Variants in TFDP1 observed in about 807,000 individuals in gnomAD.
TFDP1 encodes the protein DRTF1-polypeptide 1.
TFDP1 carries 6 observed loss-of-function variants against 48.0 expected under a neutral mutation model. The observed-to-expected ratio is 0.13, with a 90% CI of 0.07 to 0.25. The LOEUF is 0.25. Among genes scored for constraint, TFDP1 ranks in the 10% least tolerant of loss-of-function variants. The pLI is 1.00. For missense variants in TFDP1, 335 were observed against 543.0 expected (o/e 0.62, Z 3.81); for synonymous variants, 201 against 211.6 (o/e 0.95, Z 0.44).
Position 113,633,305 on chromosome 13 carries a change from C to T in TFDP1, c.474+20C>T, listed in dbSNP as rs766480649. ...GAGTCAGTAAGTGTGTGCCGGGGGC[C>T]GAGAGGCTGGGGTGGCGGAGCCCAG... On this transcript the variant is annotated intron_variant, in intron 6 of 11. Coordinates refer to ENST00000375370, the MANE Select transcript of TFDP1 (RefSeq NM_007111.5). This position sits in a 1 kb window ranked among gnomAD's most constrained non-coding sequence, Gnocchi z 4.5. 2.0e-5 allele frequency: 32 copies of T among 1,606,608 alleles called. No individual in the cohort carries two copies. Among genetic ancestry groups the T allele is most frequent in the Middle Eastern group, 3.4e-4 (2 of 5,834 alleles).
At position 113,598,546 on chromosome 13, in the gene TFDP1, G is replaced by A. The variant is rs931391557; in HGVS notation, c.13-12450G>A. Among the ~76,000 whole-genome samples the A allele has an allele frequency of 6.6e-6, 1 of 152,138 alleles. No homozygotes were observed. Among genetic ancestry groups the A allele is most frequent in the Non-Finnish European group, 1.5e-5 (1 of 68,032 alleles). ...AAGGTTCTGGTGCCCCCGAAGCACA[G>A]CCCCACCTCCCTAACCTGCCCTCCT... On this transcript the variant is annotated intron_variant, in intron 2 of 11. Transcript: ENST00000375370. The surrounding 1 kb of genome is among the most constrained non-coding windows in gnomAD (Gnocchi z 4.2).
chr13:113,638,163 C>T (rs1238791046), intron 11 of TFDP1, among the ~76,000 whole-genome samples: 3 of 152,222 alleles, frequency 2.0e-5, no homozygotes, highest in East Asian at 1.9e-4. Context: ...GAATGAAAAC[C>T]ACCCAAATCC....
chr13:113,639,689 C>CCGCTGCCAGATTCGACCCA (rs1417520868), intron 11 of TFDP1, among the ~76,000 whole-genome samples: 2 of 152,204 alleles, frequency 1.3e-5, no homozygotes, highest in Admixed American at 1.3e-4. Context: ...TTCTCAGTCC[C>CCGCTGCCAGATTCGACCCA]CGCTGCCAGA....
At chr13:113,638,116 G>GT (rs901056574) in intron 11 of TFDP1, among the ~76,000 whole-genome samples, 64 of 151,678 alleles carry the variant, frequency 4.2e-4, no homozygotes, top group African/African-American at 1.3e-3. Flanking sequence ...ATACATGGTG[G>GT]TTTTTTTTTC....
chr13:113,628,847 C>T (rs555753698), intron 4 of TFDP1, among the ~76,000 whole-genome samples: 32 of 152,236 alleles, frequency 2.1e-4, no homozygotes, highest in African/African-American at 5.3e-4. Context: ...TGCCGTGCCT[C>T]CTCTGGCTGT....
intron 2 of TFDP1, among the ~76,000 whole-genome samples, chr13:113,597,142 C>G (rs1002237413): frequency 1.4e-4 from 22 of 152,158 alleles, no homozygotes; most frequent in African/African-American, 5.3e-4. Flanking sequence ...GTGCCGGTGG[C>G]TCACTCTGTC....
chr13:113,632,074 G>A lies in TFDP1; in HGVS notation c.308+330G>A, dbSNP rs554561220. 4.6e-5 allele frequency among the ~76,000 whole-genome samples: 7 copies of A among 152,330 alleles called. No homozygotes were observed. In the East Asian group the frequency reaches 9.6e-4, roughly 21 times the overall value. ...CACAGGACCTCGGAGACTTTCCCTC[G>A]TCTGTGCTGGGAGCATGTGGGATGG... On this transcript the variant is annotated intron_variant, in intron 5 of 11. Coordinates refer to ENST00000375370, the MANE Select transcript of TFDP1 (RefSeq NM_007111.5).
chr13:113,635,957 GCTC>G lies in TFDP1; in HGVS notation c.688-16_688-14del, dbSNP rs748793825. The G allele has an allele frequency of 1.2e-6, 2 of 1,610,786 alleles. No individual in the cohort carries two copies. Among genetic ancestry groups the G allele is most frequent in the South Asian group, 2.2e-5 (2 of 90,856 alleles). On this transcript the variant is annotated splice_polypyrimidine_tract_variant and intron_variant, in intron 8 of 11. Transcript: ENST00000375370. ...TTCTTGTGCCGCCACGGGCCACCTG[GCTC>G]CTCTTATTTTTTTTAGCAAATTGCC...
intron 2 of TFDP1, among the ~76,000 whole-genome samples, chr13:113,595,654 G>A (rs2048267796): frequency 6.6e-6 from 1 of 152,240 alleles, no homozygotes; most frequent in South Asian, 2.1e-4. Flanking sequence ...ATGAATTCCT[G>A]GAGGTGAAAT....
Position 113,623,753 on chromosome 13 carries a change from G to T in TFDP1, c.186+467G>T, listed in dbSNP as rs1566664617. Reference sequence around the variant, plus strand: ...GCCCCGGGGCAGTGACAGGGCAGATGCTGCTCCCTTGGCCACGCACAGGAG... The same window carrying T: ...GCCCCGGGGCAGTGACAGGGCAGATTCTGCTCCCTTGGCCACGCACAGGAG... On this transcript the variant is annotated intron_variant, in intron 4 of 11. Transcript: ENST00000375370. This position sits in a 1 kb window ranked among gnomAD's most constrained non-coding sequence, Gnocchi z 5.2. Among the ~76,000 whole-genome samples, 1 of 152,232 alleles carries T rather than the reference G, an allele frequency of 6.6e-6. No individual in the cohort carries two copies. Among genetic ancestry groups the T allele is most frequent in the Admixed American group, 6.5e-5 (1 of 15,290 alleles).
intron 10 of TFDP1, chr13:113,637,333 TTC>T: frequency 3.4e-6 from 1 of 293,464 alleles, no homozygotes; most frequent in Non-Finnish European, 6.6e-6. Context: ...GGGTCAGAGA[TTC>T]CTCCCTGAGC....
At chr13:113,608,450 C>T (rs932182284) in intron 2 of TFDP1, among the ~76,000 whole-genome samples, 1 of 152,198 alleles carries the variant, frequency 6.6e-6, no homozygotes, top group Non-Finnish European at 1.5e-5. Context: ...GGCAGTCATC[C>T]TCCACAGCTG....
Position 113,634,472 on chromosome 13 carries a change from T to C in TFDP1, c.619-62T>C. 2.7e-6 allele frequency: 4 copies of C among 1,471,650 alleles called. No homozygotes were observed. The South Asian group carries it at 4.8e-5, about 18-fold the overall frequency. The allele number at this position is 1,471,650 out of a possible 1,614,324, so 91.2% of individuals were successfully genotyped here. A position where few individuals can be genotyped will look rare whatever the true frequency, so the allele number is the denominator to read the frequency against. ...ACTGTGAGGATGTGAGGATGTGGGTTTTAAAAAACGCTCTGTGGAACAGTT... is the reference window on the plus strand; with the variant it reads ...ACTGTGAGGATGTGAGGATGTGGGTCTTAAAAAACGCTCTGTGGAACAGTT... On this transcript the variant is annotated intron_variant, in intron 7 of 11. Transcript: ENST00000375370.
At chr13:113,596,721 C>G (rs574256575) in intron 2 of TFDP1, among the ~76,000 whole-genome samples, 2 of 152,284 alleles carry the variant, frequency 1.3e-5, no homozygotes, top group Admixed American at 1.3e-4. Flanking sequence ...TTGGAGTGGC[C>G]AGACCAAATC....
At chr13:113,605,179 T>C (rs985118911) in intron 2 of TFDP1, among the ~76,000 whole-genome samples, 1 of 151,502 alleles carries the variant, frequency 6.6e-6, no homozygotes, top group African/African-American at 2.4e-5. Context: ...TTCCTGTCCT[T>C]GGGGGTCACC....
chr13:113,630,079 G>GC (rs2049293576), intron 4 of TFDP1, among the ~76,000 whole-genome samples: 2 of 152,136 alleles, frequency 1.3e-5, no homozygotes, highest in African/African-American at 4.8e-5. Context: ...CGGGGCCAGC[G>GC]CGCTCTCAGG....
At chr13:113,632,881 T>C (rs948246070) in intron 5 of TFDP1, among the ~76,000 whole-genome samples, 7 of 152,200 alleles carry the variant, frequency 4.6e-5, no homozygotes, top group African/African-American at 1.7e-4. Flanking sequence ...TCCCTGACGC[T>C]TGGAAGGTTA....
chr13:113,628,816 C>G (rs1008255321), intron 4 of TFDP1, among the ~76,000 whole-genome samples: 1 of 152,248 alleles, frequency 6.6e-6, no homozygotes, highest in African/African-American at 2.4e-5. Flanking sequence ...CCCACACACG[C>G]CCTCCAGGGC....
At chr13:113,609,674 G>C (rs570315983) in intron 2 of TFDP1, among the ~76,000 whole-genome samples, 8 of 151,682 alleles carry the variant, frequency 5.3e-5, no homozygotes, top group Non-Finnish European at 1.2e-4. Context: ...CCCATGGTGT[G>C]TCCCCTGACT....
Sources: gnomAD v4.1 joint callset for allele counts (sites outside exome capture counted in the v4.1 genomes callset) on GRCh38, gnomAD v4.1.1 for gene constraint, Gnocchi (gnomAD v3.1) non-coding constraint, MANE v1.5 for transcripts, NCBI Gene and HGNC (gene_info 2026-07-23, HGNC 2026-07-21) for gene names.